WDSUB1: variants seen among roughly 807,000 people sequenced by gnomAD.
WDSUB1 encodes the protein WD repeat, SAM and U-box domain-containing protein 1.
A neutral mutation model predicts 53.9 loss-of-function variants in WDSUB1; 49 were observed. The observed-to-expected ratio is 0.91, with a 90% CI of 0.72 to 1.15. WDSUB1 has a LOEUF of 1.15. Ranked by LOEUF, WDSUB1 falls within the 50% of genes most tolerant of loss-of-function variation. The pLI is 0.00. For missense variants in WDSUB1, 514 were observed against 562.0 expected (o/e 0.91, Z 0.86); for synonymous variants, 194 against 200.6 (o/e 0.97, Z 0.28).
intron 5 of WDSUB1, among the ~76,000 whole-genome samples, chr2:159,266,194 T>C (rs1209992617): frequency 1.3e-5 from 2 of 152,132 alleles, no homozygotes; most frequent in Non-Finnish European, 2.9e-5. Flanking sequence ...TCAAGGAACC[T>C]TACTTTTTTT....
chr2:159,271,037 C>T (rs174268), intron 5 of WDSUB1, among the ~76,000 whole-genome samples: 8,586 of 152,300 alleles, frequency 0.056, 265 homozygotes, highest in East Asian at 0.092. Flanking sequence ...ACACTACACA[C>T]TCATCAGAAC....
chr2:159,265,598 C>G (rs1157964631), intron 5 of WDSUB1, among the ~76,000 whole-genome samples: 3 of 152,064 alleles, frequency 2.0e-5, no homozygotes, highest in African/African-American at 7.3e-5. Flanking sequence ...GTCCCAGCTA[C>G]TCAGGAGACT....
chr2:159,243,572 T>A (rs914149055), intron 10 of WDSUB1, among the ~76,000 whole-genome samples: 1 of 148,802 alleles, frequency 6.7e-6, no homozygotes, highest in Non-Finnish European at 1.5e-5. Context: ...TATTGTTTCT[T>A]ATAACAGCAT....
At chr2:159,265,295 A>C (rs1575471897) in intron 5 of WDSUB1, among the ~76,000 whole-genome samples, 1 of 34,188 alleles carries the variant, frequency 2.9e-5, no homozygotes, top group Admixed American at 4.1e-4. Context: ...CACACACACC[A>C]CACACACACA....
chr2:159,236,295 T>A, intron 10 of WDSUB1, 105 bp from the exon 11 acceptor site: 1 of 1,101,372 alleles, frequency 9.1e-7, no homozygotes. Context: ...TTATTGTGAC[T>A]TAAGGGTTAT....
chr2:159,264,263 C>T (rs80288023), intron 5 of WDSUB1, among the ~76,000 whole-genome samples: 6,135 of 152,240 alleles, frequency 0.04, 398 homozygotes, highest in African/African-American at 0.14. Flanking sequence ...GATAACCCTC[C>T]GTGATACACA....
chr2:159,239,852 G>A (rs1223688809), intron 10 of WDSUB1, among the ~76,000 whole-genome samples: 1 of 152,166 alleles, frequency 6.6e-6, no homozygotes, highest in Non-Finnish European at 1.5e-5. Context: ...CCTGAGTTCT[G>A]GCCCTGAGAG....
chr2:159,247,912 T>TATATATATATAA (rs1559532073), intron 10 of WDSUB1, among the ~76,000 whole-genome samples: 28 of 72,150 alleles, frequency 3.9e-4, no homozygotes, highest in South Asian at 3.3e-3. Context: ...TATATATAAA[T>TATATATATATAA]ATATATATAT....
intron 10 of WDSUB1, among the ~76,000 whole-genome samples, chr2:159,246,005 A>G (rs978152708): frequency 6.6e-6 from 1 of 152,232 alleles, no homozygotes; most frequent in Non-Finnish European, 1.5e-5. Flanking sequence ...AGAACTCACA[A>G]CACAGTAAGA....
At chr2:159,246,722 C>A (rs953107994) in intron 10 of WDSUB1, among the ~76,000 whole-genome samples, 13 of 152,066 alleles carry the variant, frequency 8.5e-5, no homozygotes, top group Non-Finnish European at 1.8e-4. Flanking sequence ...ATAATAGCCA[C>A]AAAATAGAAA....
intron 5 of WDSUB1, among the ~76,000 whole-genome samples, chr2:159,267,804 C>T (rs1471395202): frequency 6.6e-6 from 1 of 152,090 alleles, no homozygotes; most frequent in African/African-American, 2.4e-5. Context: ...CTATTTTTAT[C>T]TACTAAGTAT....
At chr2:159,236,230 A>AGG (rs2060477772) in intron 10 of WDSUB1, 40 bp from the exon 11 acceptor site, 2 of 1,565,582 alleles carry the variant, frequency 1.3e-6, no homozygotes, top group Non-Finnish European at 1.7e-6. Context: ...GATGTAGGAA[A>AGG]GGGAAATGAG....
At chr2:159,262,518 G>A (rs1381998802) in intron 5 of WDSUB1, among the ~76,000 whole-genome samples, 1 of 149,298 alleles carries the variant, frequency 6.7e-6, no homozygotes. Context: ...TGAATCCATG[G>A]AAAAAAAAAC....
chr2:159,242,793 T>C (rs2060691096), intron 10 of WDSUB1, among the ~76,000 whole-genome samples: 1 of 148,272 alleles, frequency 6.7e-6, no homozygotes. Context: ...TAAAATCGCT[T>C]GTCTGTTTTT....
At chr2:159,259,573 T>C (rs536179019) in intron 6 of WDSUB1, among the ~76,000 whole-genome samples, 6 of 152,372 alleles carry the variant, frequency 3.9e-5, no homozygotes, top group African/African-American at 1.4e-4. Flanking sequence ...TAAATATGTA[T>C]AGTTTATGAT....
rs2061219959 is a variant in WDSUB1 at position 159,261,883 on chromosome 2, TA to T, written c.771-2041del. 4.1e-4 allele frequency among the ~76,000 whole-genome samples: 7 copies of T among 16,926 alleles called. 1 individual carries two copies. Among genetic ancestry groups the T allele is most frequent in the East Asian group, 1.6e-3 (1 of 634 alleles). The allele number at this position is 16,926 out of a possible 152,430, so 11.1% of individuals were successfully genotyped here. On this transcript the variant is annotated intron_variant, in intron 5 of 10. Transcript: ENST00000359774. ...ATATATATATATATATATATATATA[TA>T]TATATATATATATTTTTTTTTTTTT...
chr2:159,275,266 A>G (rs73967300), intron 4 of WDSUB1, among the ~76,000 whole-genome samples: 4,347 of 152,350 alleles, frequency 0.029, 197 homozygotes, highest in African/African-American at 0.094. Context: ...TGGTATAAAC[A>G]GTGTTTACAG....
chr2:159,250,088 CAAA>C (rs374038625), intron 9 of WDSUB1, among the ~76,000 whole-genome samples: 3,654 of 83,490 alleles, frequency 0.044, 183 homozygotes, highest in African/African-American at 0.12. Context: ...GACTCTGCCT[CAAA>C]AAAAAAAAAA....
At chr2:159,279,063 TATTA>T (rs1331741861) in intron 3 of WDSUB1, among the ~76,000 whole-genome samples, 3 of 152,220 alleles carry the variant, frequency 2.0e-5, no homozygotes, top group Non-Finnish European at 2.9e-5. Flanking sequence ...CAGGATATAT[TATTA>T]ATTAATTTCA....
Sources: allele counts gnomAD v4.1 joint callset (sites outside exome capture counted in the v4.1 genomes callset), GRCh38; gene constraint gnomAD v4.1.1; transcripts MANE v1.5; gene names NCBI Gene and HGNC (gene_info 2026-07-23, HGNC 2026-07-21).